The following CSMD1 variants were observed in gnomAD, a reference collection of about 807,000 sequenced individuals.
The protein encoded by CSMD1 is CUB and sushi domain-containing protein 1.
In CSMD1, 213 loss-of-function variants were observed where a neutral mutation model predicts 417.5. The ratio of observed to expected loss-of-function variants is 0.51; its 90% CI spans 0.46 to 0.57. The LOEUF is 0.57. Ranked by LOEUF, CSMD1 falls within the 20% of genes least tolerant of loss-of-function variation. The pLI is 0.00. For synonymous variants in CSMD1, 2,862 were observed against 1,736.8 expected, an observed-to-expected ratio of 1.65 and a Z score of -16.11; for missense variants, 6,923 against 4,529.7, an observed-to-expected ratio of 1.53 and a Z score of -15.17.
intron 3 of CSMD1, among the ~76,000 whole-genome samples, chr8:4,309,507 C>G (rs983941399): frequency 7.2e-5 from 11 of 151,932 alleles, no homozygotes; most frequent in South Asian, 2.1e-4. Context: ...AATTTCTAAA[C>G]TAAAAGGTAA....
chr8:4,448,898 C>A (rs1248005825), intron 2 of CSMD1, among the ~76,000 whole-genome samples: 2 of 152,188 alleles, frequency 1.3e-5, no homozygotes, highest in African/African-American at 4.8e-5. Flanking sequence ...CACACACATG[C>A]ACACATATTT....
At chr8:4,919,093 T>C (rs1806262706) in intron 1 of CSMD1, among the ~76,000 whole-genome samples, 1 of 152,224 alleles carries the variant, frequency 6.6e-6, no homozygotes, top group South Asian at 2.1e-4. Context: ...GAGAAAATAA[T>C]GATTATGTAA....
At chr8:4,139,579 T>C (rs1475250115) in intron 3 of CSMD1, among the ~76,000 whole-genome samples, 1 of 151,104 alleles carries the variant, frequency 6.6e-6, no homozygotes, top group African/African-American at 2.5e-5. Context: ...GAGCTGCCTA[T>C]GGAACTGAGT....
At chr8:4,533,517 G>A (rs953301163) in intron 2 of CSMD1, among the ~76,000 whole-genome samples, 2 of 152,080 alleles carry the variant, frequency 1.3e-5, no homozygotes, top group African/African-American at 4.8e-5. Context: ...GAAGAACATA[G>A]TACAGACCTT....
chr8:3,330,205 T>G (rs368218893), intron 23 of CSMD1, among the ~76,000 whole-genome samples: 1 of 152,218 alleles, frequency 6.6e-6, no homozygotes, highest in Non-Finnish European at 1.5e-5. Context: ...CATTTCATTT[T>G]CTTAGAAACA....
intron 5 of CSMD1, among the ~76,000 whole-genome samples, chr8:3,951,992 T>A (rs925029037): frequency 1.3e-5 from 2 of 152,194 alleles, no homozygotes; most frequent in Admixed American, 6.5e-5. Flanking sequence ...TGATTACACT[T>A]GGAACAACTT....
chr8:4,984,423 T>A (rs992738551), intron 1 of CSMD1, among the ~76,000 whole-genome samples: 12 of 152,258 alleles, frequency 7.9e-5, no homozygotes, highest in Admixed American at 5.9e-4. Flanking sequence ...TAAAGAGCAA[T>A]GAATCAATGT....
chr8:4,938,664 G>T (rs763587823), intron 1 of CSMD1, among the ~76,000 whole-genome samples: 4 of 152,114 alleles, frequency 2.6e-5, no homozygotes, highest in African/African-American at 7.2e-5. Context: ...TGAACTCCAG[G>T]ATCAAGCCTC....
chr8:4,829,943 G>C (rs1239080680), intron 1 of CSMD1, among the ~76,000 whole-genome samples: 3 of 152,060 alleles, frequency 2.0e-5, no homozygotes, highest in African/African-American at 7.2e-5. Context: ...GATGTAGAAA[G>C]AAAACACACA....
intron 5 of CSMD1, among the ~76,000 whole-genome samples, chr8:3,819,880 C>T (rs1205917418): frequency 6.6e-6 from 1 of 152,148 alleles, no homozygotes; most frequent in Non-Finnish European, 1.5e-5. Flanking sequence ...CTAAATCAAG[C>T]AGGGATCCAG....
intron 3 of CSMD1, among the ~76,000 whole-genome samples, chr8:4,072,222 C>T (rs1296816569): frequency 1.3e-5 from 2 of 152,306 alleles, no homozygotes; most frequent in South Asian, 4.1e-4. Flanking sequence ...ATTTCATCCA[C>T]AGTTGCAAGT....
Position 4,870,277 on chromosome 8 carries a change from T to C in CSMD1, c.85+124055A>G, listed in dbSNP as rs969888524. 3.9e-5 allele frequency among the ~76,000 whole-genome samples: 6 copies of C among 152,148 alleles called. No homozygotes were observed. In the East Asian group the frequency reaches 1.2e-3, roughly 29 times the overall value. On this transcript the variant is annotated intron_variant, in intron 1 of 69. Coordinates refer to ENST00000635120, the MANE Select transcript of CSMD1 (RefSeq NM_033225.6). ...ATCTAGGTTTCCCTCTATAACTTTTTATATATGGGTAAAAATTGGAACAGA... is the reference window on the plus strand; with the variant it reads ...ATCTAGGTTTCCCTCTATAACTTTTCATATATGGGTAAAAATTGGAACAGA...
At chr8:3,369,564 C>G (rs547989479) in intron 18 of CSMD1, among the ~76,000 whole-genome samples, 194 bp from the exon 19 acceptor site, 1 of 152,278 alleles carries the variant, frequency 6.6e-6, no homozygotes, top group South Asian at 2.1e-4. Context: ...GGGATCTTAA[C>G]CACTACAAAA....
chr8:4,052,793 A>G (rs1247477418), intron 3 of CSMD1, among the ~76,000 whole-genome samples: 1 of 152,184 alleles, frequency 6.6e-6, no homozygotes, highest in Non-Finnish European at 1.5e-5. Flanking sequence ...CCTGGAACCC[A>G]CTTCCAGATA....
At chr8:4,833,952 T>C (rs1389090339) in intron 1 of CSMD1, among the ~76,000 whole-genome samples, 1 of 152,164 alleles carries the variant, frequency 6.6e-6, no homozygotes, top group East Asian at 1.9e-4. Flanking sequence ...CCCTGACTAG[T>C]CTTCACTATC....
At chr8:4,928,556 T>G (rs1182002917) in intron 1 of CSMD1, among the ~76,000 whole-genome samples, 2 of 152,112 alleles carry the variant, frequency 1.3e-5, no homozygotes, top group African/African-American at 4.8e-5. Context: ...CAATTCTAAT[T>G]CCAGTCTTGC....
At chr8:4,076,844 A>T (rs1053691855) in intron 3 of CSMD1, among the ~76,000 whole-genome samples, 2 of 152,100 alleles carry the variant, frequency 1.3e-5, no homozygotes, top group African/African-American at 4.8e-5. Context: ...CTGCTAACTT[A>T]AGATAGGCTA....
At chr8:4,027,035 A>G (rs1797098609) in intron 4 of CSMD1, among the ~76,000 whole-genome samples, 1 of 152,236 alleles carries the variant, frequency 6.6e-6, no homozygotes, top group Non-Finnish European at 1.5e-5. Context: ...GTCAAGGAAC[A>G]CAGAACTTGG....
chr8:4,394,601 G>A (rs1282957028), intron 3 of CSMD1, among the ~76,000 whole-genome samples: 1 of 152,134 alleles, frequency 6.6e-6, no homozygotes, highest in Admixed American at 6.5e-5. Context: ...AGTAGCTGCA[G>A]GAAGGTGAGA....
Sources: allele counts gnomAD v4.1 joint callset (sites outside exome capture counted in the v4.1 genomes callset), GRCh38; gene constraint gnomAD v4.1.1; transcripts MANE v1.5; gene names NCBI Gene and HGNC (gene_info 2026-07-23, HGNC 2026-07-21).